ZNF385D: variants seen among roughly 807,000 people sequenced by gnomAD.
ZNF385D encodes the protein zinc finger protein 385D.
In ZNF385D, 15 loss-of-function variants were observed where a neutral mutation model predicts 35.8. The ratio of observed to expected loss-of-function variants is 0.42; its 90% CI spans 0.28 to 0.64. ZNF385D has a LOEUF of 0.64. Among genes scored for constraint, ZNF385D ranks in the 30% least tolerant of loss-of-function variants. The probability of loss-of-function intolerance (pLI) is 0.23; values close to 1 mark genes in which losing one functional copy is unlikely to be tolerated. For missense variants in ZNF385D, 474 were observed against 494.6 expected (o/e 0.96, Z 0.39); for synonymous variants, 212 against 186.8 (o/e 1.13, Z -1.10).
At chr3:21,610,723 C>A (rs528126416) in intron 2 of ZNF385D, among the ~76,000 whole-genome samples, 4 of 151,394 alleles carry the variant, frequency 2.6e-5, no homozygotes, top group Non-Finnish European at 4.4e-5. Flanking sequence ...TGCAGTGAGC[C>A]GAGATCGCGC....
intron 3 of ZNF385D, among the ~76,000 whole-genome samples, chr3:22,036,577 A>C (rs902293724): frequency 1.3e-5 from 2 of 152,234 alleles, no homozygotes; most frequent in Admixed American, 1.3e-4. Context: ...TAGGAAAAAA[A>C]CAAATTATTT....
intron 3 of ZNF385D, among the ~76,000 whole-genome samples, chr3:21,515,159 A>T (rs1441079546): frequency 6.6e-6 from 1 of 152,174 alleles, no homozygotes; most frequent in South Asian, 2.1e-4. Flanking sequence ...AACATTTGAG[A>T]GAGGGGTTTT....
intron 3 of ZNF385D, among the ~76,000 whole-genome samples, chr3:22,061,345 C>A (rs1174833896): frequency 6.6e-6 from 1 of 151,794 alleles, no homozygotes; most frequent in Non-Finnish European, 1.5e-5. Flanking sequence ...TATTTTAGTC[C>A]CCCCATTTCT....
chr3:21,743,593 C>T (rs185271184), intron 1 of ZNF385D, among the ~76,000 whole-genome samples: 2 of 152,200 alleles, frequency 1.3e-5, no homozygotes, highest in African/African-American at 4.8e-5. Flanking sequence ...GCTACAGCCT[C>T]AAATGGTGGA....
intron 3 of ZNF385D, among the ~76,000 whole-genome samples, chr3:21,774,011 A>G (rs755409114): frequency 2.0e-5 from 3 of 152,036 alleles, no homozygotes; most frequent in South Asian, 2.1e-4. Context: ...CAAGACATGG[A>G]GTCAACCCAA....
intron 3 of ZNF385D, among the ~76,000 whole-genome samples, chr3:22,015,144 T>C (rs2125444396): frequency 6.6e-6 from 1 of 152,262 alleles, no homozygotes. Flanking sequence ...ACTAAAGAAT[T>C]ATTTCCCTGC....
intron 2 of ZNF385D, among the ~76,000 whole-genome samples, chr3:21,565,814 A>G (rs761573063): frequency 2.0e-5 from 3 of 152,218 alleles, no homozygotes; most frequent in Non-Finnish European, 4.4e-5. Context: ...TCTTCATAAT[A>G]GATTGAGATA....
At position 21,546,074 on chromosome 3, in the gene ZNF385D, TG is replaced by T. The variant is rs199506797; in HGVS notation, c.276+18499del. Among the ~76,000 whole-genome samples, 1,104 of 152,024 alleles carry T rather than the reference TG, an allele frequency of 7.3e-3. 9 individuals carry two copies. Among genetic ancestry groups the T allele is most frequent in the African/African-American group, 0.023 (972 of 41,524 alleles). Reference sequence around the variant, plus strand: ...ACTCAGTCCTATCATATTTTTTTTTTGGTAACAAAATTGAGGACTGGAAGGA... The same window carrying T: ...ACTCAGTCCTATCATATTTTTTTTTTGTAACAAAATTGAGGACTGGAAGGA... On this transcript the variant is annotated intron_variant, in intron 3 of 7. Coordinates refer to ENST00000281523, the MANE Select transcript of ZNF385D (RefSeq NM_024697.3).
At chr3:22,252,900 C>G (rs1394263774) in intron 2 of ZNF385D, among the ~76,000 whole-genome samples, 1 of 152,030 alleles carries the variant, frequency 6.6e-6, no homozygotes, top group Non-Finnish European at 1.5e-5. Context: ...TTCCTTACTC[C>G]AGGCTGAAGA....
intron 2 of ZNF385D, among the ~76,000 whole-genome samples, chr3:22,202,644 C>T (rs1696876268): frequency 1.3e-5 from 2 of 152,082 alleles, no homozygotes; most frequent in Admixed American, 1.3e-4. Context: ...GAAAGAGGAA[C>T]TGAAGAGGAT....
At chr3:22,085,335 T>A (rs1194779085) in intron 3 of ZNF385D, among the ~76,000 whole-genome samples, 1 of 151,826 alleles carries the variant, frequency 6.6e-6, no homozygotes, top group Non-Finnish European at 1.5e-5. Flanking sequence ...CTAACAAGAC[T>A]AATAAAGAAG....
intron 3 of ZNF385D, among the ~76,000 whole-genome samples, chr3:21,814,947 A>G (rs2073083339): frequency 6.6e-6 from 1 of 152,224 alleles, no homozygotes; most frequent in Non-Finnish European, 1.5e-5. Context: ...AGCACTCCTC[A>G]GCAAATGTAA....
In ZNF385D at chr3:22,276,843, G is replaced by T. The variant is rs557774965; in HGVS notation, c.106+95607C>A. The stretch of plus-strand genomic sequence containing the variant: ...ATAGAATGGAACAAAATAATAAAGG[G>T]TACAATTTTAGTTTCTTTTCCTGTT... On this transcript the variant is annotated intron_variant, in intron 2 of 5. Coordinates refer to the ZNF385D transcript ENST00000494108. Among the ~76,000 whole-genome samples, 45 of 151,972 alleles carry T rather than the reference G, an allele frequency of 3.0e-4. No homozygotes were observed. The East Asian group carries it at 8.2e-3, about 28-fold the overall frequency.
In ZNF385D at chr3:22,326,014, C is replaced by A. The variant is rs999485019; in HGVS notation, c.106+46436G>T. ...TTCCCTTTCTCATAAGCAGTCCTGACACACTGGCTCTCTTCCCTCCTCCCT... is the reference window on the plus strand; with the variant it reads ...TTCCCTTTCTCATAAGCAGTCCTGAAACACTGGCTCTCTTCCCTCCTCCCT... On this transcript the variant is annotated intron_variant, in intron 2 of 5. Transcript: ENST00000494108. Among the ~76,000 whole-genome samples, 4 of 152,122 alleles carry A rather than the reference C, an allele frequency of 2.6e-5. No individual in the cohort carries two copies. In the South Asian group the frequency reaches 6.2e-4, roughly 24 times the overall value.
At chr3:22,213,852 T>G (rs1237058280) in intron 2 of ZNF385D, among the ~76,000 whole-genome samples, 1 of 152,060 alleles carries the variant, frequency 6.6e-6, no homozygotes, top group Non-Finnish European at 1.5e-5. Flanking sequence ...AATGTTTACA[T>G]CTTTGTGACA....
intron 3 of ZNF385D, among the ~76,000 whole-genome samples, chr3:22,010,632 T>A (rs1251600700): frequency 6.6e-6 from 1 of 152,182 alleles, no homozygotes; most frequent in Non-Finnish European, 1.5e-5. Context: ...TGAATGGACA[T>A]GAGGTTCCAA....
At chr3:22,023,821 C>G (rs889037248) in intron 3 of ZNF385D, among the ~76,000 whole-genome samples, 1 of 151,928 alleles carries the variant, frequency 6.6e-6, no homozygotes, top group Non-Finnish European at 1.5e-5. Context: ...TGGAAGAGTG[C>G]CCTGTACCTG....
chr3:21,453,208 GCA>G (rs1702572046), intron 4 of ZNF385D, among the ~76,000 whole-genome samples: 7 of 149,936 alleles, frequency 4.7e-5, no homozygotes, highest in Non-Finnish European at 7.4e-5. Flanking sequence ...GCCTCACACC[GCA>G]TGTCATTCAA....
At chr3:21,667,732 G>C (rs191321238) in intron 1 of ZNF385D, among the ~76,000 whole-genome samples, 3 of 152,278 alleles carry the variant, frequency 2.0e-5, no homozygotes, top group Admixed American at 1.3e-4. Flanking sequence ...ATCCAAAGAA[G>C]TTAAGGAATA....
Sources: allele counts gnomAD v4.1 joint callset (sites outside exome capture counted in the v4.1 genomes callset), GRCh38; gene constraint gnomAD v4.1.1; transcripts MANE v1.5; gene names NCBI Gene and HGNC (gene_info 2026-07-23, HGNC 2026-07-21).